DOK6: variants seen among roughly 807,000 people sequenced by gnomAD.
DOK6 encodes docking protein 6.
A neutral mutation model predicts 44.0 loss-of-function variants in DOK6; 22 were observed. That is an observed-to-expected ratio of 0.50 (90% CI 0.36 to 0.71). The LOEUF (loss-of-function observed/expected upper bound fraction) is 0.71, where lower values mean the gene tolerates loss of function less well. Ranked by LOEUF, DOK6 falls within the 30% of genes least tolerant of loss-of-function variation. The probability of loss-of-function intolerance (pLI) is 0.00; values close to 1 mark genes in which losing one functional copy is unlikely to be tolerated. For missense variants in DOK6, 340 were observed against 416.4 expected, an observed-to-expected ratio of 0.82 and a Z score of 1.60; for synonymous variants, 166 against 145.5, an observed-to-expected ratio of 1.14 and a Z score of -1.01.
chr18:69,820,080 T>C (rs914274553), intron 7 of DOK6, among the ~76,000 whole-genome samples: 1 of 152,192 alleles, frequency 6.6e-6, no homozygotes, highest in Non-Finnish European at 1.5e-5. Context: ...TAAGGCTGAG[T>C]AATATTCCAT....
intron 1 of DOK6, among the ~76,000 whole-genome samples, chr18:69,559,930 C>T (rs912556983): frequency 1.3e-5 from 2 of 152,104 alleles, no homozygotes; most frequent in Non-Finnish European, 2.9e-5. Flanking sequence ...TATCAAGGCT[C>T]AACCCTCATG....
At chr18:69,439,458 T>G (rs1979077032) in intron 1 of DOK6, among the ~76,000 whole-genome samples, 1 of 152,252 alleles carries the variant, frequency 6.6e-6, no homozygotes, top group Non-Finnish European at 1.5e-5. Context: ...GAATGGCATC[T>G]TCTTCCAGCA....
At chr18:69,607,659 C>G (rs1391417781) in intron 3 of DOK6, among the ~76,000 whole-genome samples, 1 of 152,104 alleles carries the variant, frequency 6.6e-6, no homozygotes. Flanking sequence ...GGAATAATAT[C>G]TATGACTAAC....
At chr18:69,771,983 T>C (rs1001069340) in intron 7 of DOK6, among the ~76,000 whole-genome samples, 4 of 149,966 alleles carry the variant, frequency 2.7e-5, no homozygotes, top group Non-Finnish European at 5.9e-5. Flanking sequence ...CATAGAACAT[T>C]CTAGGCAACA....
chr18:69,546,165 T>TA (rs1982398534), intron 1 of DOK6, among the ~76,000 whole-genome samples: 1 of 150,506 alleles, frequency 6.6e-6, no homozygotes, highest in Non-Finnish European at 1.5e-5. Flanking sequence ...TAATCCCAGC[T>TA]ACTTGGGAGG....
At chr18:69,631,852 A>G in intron 3 of DOK6, among the ~76,000 whole-genome samples, 1 of 152,238 alleles carries the variant, frequency 6.6e-6, no homozygotes, top group Admixed American at 6.5e-5. Flanking sequence ...TGTTTCCTGA[A>G]AATACATTTG....
intron 3 of DOK6, among the ~76,000 whole-genome samples, chr18:69,635,549 C>A (rs1423574896): frequency 6.6e-6 from 1 of 152,168 alleles, no homozygotes; most frequent in Non-Finnish European, 1.5e-5. Flanking sequence ...AGACAACACA[C>A]CCTCAGGACA....
At chr18:69,797,469 C>T (rs545183570) in intron 7 of DOK6, among the ~76,000 whole-genome samples, 76 of 152,158 alleles carry the variant, frequency 5.0e-4, no homozygotes, top group South Asian at 1.2e-3. Context: ...AGGCAGTAAT[C>T]CTCTATTTTG....
intron 1 of DOK6, among the ~76,000 whole-genome samples, chr18:69,406,785 A>G (rs570808893): frequency 6.6e-6 from 1 of 152,016 alleles, no homozygotes; most frequent in Admixed American, 6.5e-5. Context: ...AATACGGAAT[A>G]AAAAATTAGT....
intron 1 of DOK6, among the ~76,000 whole-genome samples, chr18:69,552,908 C>T (rs531349588): frequency 1.3e-5 from 2 of 152,220 alleles, no homozygotes; most frequent in African/African-American, 4.8e-5. Flanking sequence ...CGTGTGCGCA[C>T]AGAGATATGA....
intron 7 of DOK6, among the ~76,000 whole-genome samples, chr18:69,760,008 TCA>T (rs1979491647): frequency 6.6e-6 from 1 of 152,210 alleles, no homozygotes. Flanking sequence ...TGTATACCCC[TCA>T]GTGTTATAGA....
intron 7 of DOK6, among the ~76,000 whole-genome samples, chr18:69,786,369 T>C (rs1048075618): frequency 6.6e-6 from 1 of 152,254 alleles, no homozygotes; most frequent in African/African-American, 2.4e-5. Context: ...TTTACAAGTC[T>C]GAGCTTTCAA....
At chr18:69,529,518 C>T (rs1981926652) in intron 1 of DOK6, among the ~76,000 whole-genome samples, 1 of 152,176 alleles carries the variant, frequency 6.6e-6, no homozygotes, top group East Asian at 1.9e-4. Flanking sequence ...GAAAGGTATA[C>T]AAATGTTTCT....
intron 3 of DOK6, among the ~76,000 whole-genome samples, chr18:69,621,351 C>T (rs544559116): frequency 6.6e-6 from 1 of 152,114 alleles, no homozygotes; most frequent in Non-Finnish European, 1.5e-5. Flanking sequence ...GCTATTATTA[C>T]TATATACCTT....
intron 7 of DOK6, among the ~76,000 whole-genome samples, chr18:69,836,091 A>G (rs1004298599): frequency 4.6e-5 from 7 of 152,192 alleles, no homozygotes; most frequent in Admixed American, 3.9e-4. Context: ...GATATTCACA[A>G]TGTGTTGTCA....
chr18:69,786,884 ATTGT>A (rs1222221995), intron 7 of DOK6, among the ~76,000 whole-genome samples: 6 of 152,330 alleles, frequency 3.9e-5, no homozygotes, highest in Non-Finnish European at 7.3e-5. Flanking sequence ...GCAATTTCAG[ATTGT>A]TTGACCTAAT....
At chr18:69,476,750 G>A (rs1170855713) in intron 1 of DOK6, among the ~76,000 whole-genome samples, 2 of 152,176 alleles carry the variant, frequency 1.3e-5, no homozygotes, top group Admixed American at 6.5e-5. Context: ...CCTGCAGAGA[G>A]GGCGTGAGAG....
chr18:69,723,816 T>C (rs1978294122), intron 5 of DOK6, among the ~76,000 whole-genome samples: 1 of 152,156 alleles, frequency 6.6e-6, no homozygotes, highest in Non-Finnish European at 1.5e-5. Context: ...GCCACAGACT[T>C]GGAGGTCAGG....
chr18:69,742,420 AAAAAAAAAG>A (rs1483613646), intron 6 of DOK6, among the ~76,000 whole-genome samples: 1 of 122,014 alleles, frequency 8.2e-6, no homozygotes, highest in Non-Finnish European at 1.9e-5. Flanking sequence ...ATCTCAAAAA[AAAAAAAAAG>A]AAAAAGAAAA....
Sources: allele counts gnomAD v4.1 joint callset (sites outside exome capture counted in the v4.1 genomes callset), GRCh38; gene constraint gnomAD v4.1.1; transcripts MANE v1.5; gene names NCBI Gene and HGNC (gene_info 2026-07-23, HGNC 2026-07-21).